Variants in DNAH6 observed in about 807,000 individuals in gnomAD.
DNAH6 encodes dynein axonemal heavy chain 6, also known as axonemal beta dynein heavy chain 6.
Under a neutral mutation model 491.4 loss-of-function variants are expected in DNAH6, and 340 were observed. The observed-to-expected ratio is 0.69, with a 90% CI of 0.63 to 0.76. The LOEUF (loss-of-function observed/expected upper bound fraction) is 0.76. Among genes scored for constraint, DNAH6 ranks in the 30% least tolerant of loss-of-function variants. The probability of loss-of-function intolerance (pLI) is 0.00; values close to 1 mark genes in which losing one functional copy is unlikely to be tolerated. For synonymous variants in DNAH6, 1,603 were observed against 1,686.1 expected, an observed-to-expected ratio of 0.95 and a Z score of 1.21; for missense variants, 4,443 against 4,972.2, an observed-to-expected ratio of 0.89 and a Z score of 3.20.
intron 15 of DNAH6, among the ~76,000 whole-genome samples, chr2:84,586,781 G>A (rs207462053): frequency 8.5e-5 from 13 of 152,134 alleles, no homozygotes; most frequent in South Asian, 6.2e-4. Flanking sequence ...GGATTCAAGC[G>A]TAAGCAGTCT....
At chr2:84,720,705 C>T (rs1440898449) in intron 59 of DNAH6, among the ~76,000 whole-genome samples, 1 of 152,120 alleles carries the variant, frequency 6.6e-6, no homozygotes, top group Non-Finnish European at 1.5e-5. Context: ...TCATTGCCAC[C>T]CTTCTGTCTG....
intron 3 of DNAH6, among the ~76,000 whole-genome samples, chr2:84,526,826 T>C (rs907571128): frequency 6.6e-6 from 1 of 152,180 alleles, no homozygotes; most frequent in African/African-American, 2.4e-5. Context: ...CCAGGAAAGA[T>C]TTAATTGCCT....
At chr2:84,492,623 G>T in the DNAH6 span, among the ~76,000 whole-genome samples, 2 of 151,830 alleles carry the variant, frequency 1.3e-5, no homozygotes, top group African/African-American at 4.8e-5. Context: ...CTTTTAGTGG[G>T]GTTTTAAGAA....
chr2:84,605,945 GA>G lies in DNAH6; in HGVS notation c.3174+362del, dbSNP rs1018053421. On this transcript the variant is annotated intron_variant, in intron 20 of 76. Coordinates refer to ENST00000389394, the MANE Select transcript of DNAH6 (RefSeq NM_001370.2). ...TATTAGATGGGATTTGAAAGACTTA[GA>G]AAAAAAAATAAAGGGCACTTCAAAC... is the stretch of plus-strand genomic sequence containing the variant. Among the ~76,000 whole-genome samples the G allele has an allele frequency of 4.7e-5, 7 of 150,496 alleles. No homozygotes were observed. The South Asian group carries it at 8.4e-4, about 18-fold the overall frequency.
intron 3 of DNAH6, 128 bp from the exon 4 acceptor site, chr2:84,528,768 GTGCCAAAA>G: frequency 3.7e-6 from 3 of 818,834 alleles, no homozygotes; most frequent in Non-Finnish European, 5.6e-6. Context: ...AAAATTTTCA[GTGCCAAAA>G]TGCTTGCCTT....
At chr2:84,542,425 G>A (rs920710800) in intron 4 of DNAH6, among the ~76,000 whole-genome samples, 5 of 152,086 alleles carry the variant, frequency 3.3e-5, no homozygotes, top group Non-Finnish European at 5.9e-5. Context: ...GCAATACCTG[G>A]CATTTTTCCA....
the DNAH6 span, among the ~76,000 whole-genome samples, chr2:84,501,882 T>C: frequency 6.6e-6 from 1 of 151,776 alleles, no homozygotes; most frequent in African/African-American, 2.4e-5. Flanking sequence ...GTCACCTTTT[T>C]TTATTTCTGA....
At chr2:84,642,112 T>C in intron 33 of DNAH6, 58 bp downstream of exon 33, 1 of 1,096,536 alleles carries the variant, frequency 9.1e-7, no homozygotes, top group Non-Finnish European at 1.3e-6. Context: ...CAAATGGTAG[T>C]CTTTTCTTCA....
chr2:84,757,664 A>G (rs1001607998), intron 63 of DNAH6, among the ~76,000 whole-genome samples: 1 of 152,382 alleles, frequency 6.6e-6, no homozygotes, highest in East Asian at 1.9e-4. Context: ...CAAGATCTTT[A>G]ATACACTATT....
chr2:84,544,498 C>G lies in DNAH6; in HGVS notation c.928C>G (p.Pro310Ala). Residue 310 changes from proline to alanine, a missense_variant and splice_region_variant, in exon 5 of 77, where the codon CCT (proline) becomes GCT (alanine). Around this residue, in one of 3 missense-constraint regions of DNAH6, gnomAD observed 2,977 missense variants for 3,296.6 expected, o/e 0.90. Transcript: ENST00000389394. ...ACAAAAAAATTTGTTCATTGTTAAT[C>G]CTGTATGTATTTATCATTTATATTT... ...SLQKNLFIVN[P>A]HLRPALLKIN... 1 of 1,412,704 alleles carries G rather than the reference C, an allele frequency of 7.1e-7. No homozygotes were observed. The highest frequency in any genetic ancestry group is 9.7e-7 in the Non-Finnish European group (1 of 1,026,370). 87.5% of individuals were successfully genotyped at this position (1,412,704 alleles called of 1,614,324 possible).
Position 84,584,031 on chromosome 2 carries a change from G to T in DNAH6, c.2262G>T (p.Val754=). 6.2e-7 allele frequency: 1 copy of T among 1,614,114 alleles called. No homozygotes were observed. Among genetic ancestry groups the T allele is most frequent in the South Asian group, 1.1e-5 (1 of 91,062 alleles). ...IESLEDEGNI[V]TQMYKLMEQY... ...GCCTTGAAGATGAGGGGAATATAGT[G>T]ACTCAAATGTACAAGCTTATGGAAC... is the stretch of plus-strand genomic sequence containing the variant. Residue 754 remains valine, a synonymous_variant, in exon 15 of 77, where the codon GTG becomes GTT. Coordinates refer to ENST00000389394, the MANE Select transcript of DNAH6 (RefSeq NM_001370.2).
chr2:84,683,350 G>T (rs1258664526), intron 42 of DNAH6, among the ~76,000 whole-genome samples: 2 of 149,876 alleles, frequency 1.3e-5, no homozygotes, highest in Non-Finnish European at 2.9e-5. Context: ...ACTCTTAGTT[G>T]CTCCATAATC....
In DNAH6 at chr2:84,797,550, AC is replaced by A; in HGVS notation, c.11376del (p.Met3793TrpfsTer17). On this transcript the variant is annotated frameshift_variant, in exon 70 of 77. Coordinates refer to ENST00000389394, the MANE Select transcript of DNAH6 (RefSeq NM_001370.2). LOFTEE classifies it high-confidence loss of function. ...KYSESGIYFAPMADSLQEFKD... is the reference protein window; with the variant it reads ...KYSESGIYFAXMADSLQEFKD... ...TTTTAATAACAGGCATCTATTTTGC[AC>A]CCATGGCTGACAGCCTACAAGAGTT... The A allele has an allele frequency of 2.6e-6, 4 of 1,551,674 alleles. No individual in the cohort carries two copies. Among genetic ancestry groups the A allele is most frequent in the Non-Finnish European group, 3.5e-6 (4 of 1,146,910 alleles).
At position 84,733,468 on chromosome 2, in the gene DNAH6, C is replaced by T. The variant is rs1699280520; in HGVS notation, c.10231C>T (p.Pro3411Ser). The part of the protein sequence containing the change: ...EKERPPKPEA[P>S]WLPTATWFAC... ...GGAACGCCCACCTAAGCCTGAAGCT[C>T]CCTGGCTACCTACTGCTACATGGTT... The change falls in exon 62 of 77, where the codon CCC becomes TCC. Residue 3411 changes from proline (P) to serine (S), a missense_variant. Physicochemically the swap from Pro to Ser is moderately conservative, Grantham distance 74. Around this residue, in one of 3 missense-constraint regions of DNAH6, gnomAD observed 1,463 missense variants for 1,656.6 expected, o/e 0.88. Coordinates refer to ENST00000389394, the MANE Select transcript of DNAH6 (RefSeq NM_001370.2). 1.3e-6 allele frequency: 2 copies of T among 1,551,230 alleles called. No homozygotes were observed. The highest frequency in any genetic ancestry group is 1.7e-4 in the Middle Eastern group (1 of 5,992).
At chr2:84,769,865 A>G (rs1455935063) in intron 64 of DNAH6, among the ~76,000 whole-genome samples, 1 of 152,194 alleles carries the variant, frequency 6.6e-6, no homozygotes, top group Non-Finnish European at 1.5e-5. Flanking sequence ...AATCTCCTAC[A>G]TATTTTTGGG....
chr2:84,782,876 T>C (rs553805892), intron 65 of DNAH6, among the ~76,000 whole-genome samples: 1 of 152,218 alleles, frequency 6.6e-6, no homozygotes, highest in Admixed American at 6.5e-5. Context: ...CTCCAGAATA[T>C]GGAGATGCCA....
intron 18 of DNAH6, 99 bp from the exon 19 acceptor site, chr2:84,604,240 T>C (rs1350116072): frequency 9.0e-6 from 8 of 889,538 alleles, no homozygotes; most frequent in Non-Finnish European, 1.4e-5. Flanking sequence ...TAAGTGGTGC[T>C]CTTTTCCAGC....
chr2:84,636,656 T>C (rs1025479547), intron 30 of DNAH6, among the ~76,000 whole-genome samples: 2 of 151,980 alleles, frequency 1.3e-5, no homozygotes, highest in African/African-American at 4.8e-5. Context: ...CAGACTAAGA[T>C]TAAGTTGGAA....
intron 64 of DNAH6, among the ~76,000 whole-genome samples, chr2:84,763,436 T>C (rs1674778677): frequency 6.6e-6 from 1 of 152,196 alleles, no homozygotes; most frequent in Non-Finnish European, 1.5e-5. Flanking sequence ...GATTTGGTTT[T>C]TTTTAATGAA....
Sources: allele counts gnomAD v4.1 joint callset (sites outside exome capture counted in the v4.1 genomes callset), GRCh38; gene constraint gnomAD v4.1.1; regional missense constraint gnomAD v4.1.1; transcripts MANE v1.5; gene names NCBI Gene and HGNC (gene_info 2026-07-23, HGNC 2026-07-21).